The following ELAPOR2 variants were observed in gnomAD, a reference collection of about 807,000 sequenced individuals.
ELAPOR2 encodes endosome/lysosome-associated apoptosis and autophagy regulator family member 2.
Under a neutral mutation model 120.7 loss-of-function variants are expected in ELAPOR2, and 89 were observed. The ratio of observed to expected loss-of-function variants is 0.74; its 90% CI spans 0.62 to 0.88. The LOEUF is 0.88. Ranked by LOEUF, ELAPOR2 falls within the 40% of genes least tolerant of loss-of-function variation. The pLI is 0.00. For missense variants in ELAPOR2, 1,134 were observed against 1,251.6 expected (o/e 0.91, Z 1.42); for synonymous variants, 444 against 444.9 (o/e 1.00, Z 0.03).
intron 1 of ELAPOR2, among the ~76,000 whole-genome samples, chr7:87,036,299 C>T (rs573136855): frequency 6.6e-6 from 1 of 151,770 alleles, no homozygotes; most frequent in Non-Finnish European, 1.5e-5. Context: ...CAGGGTGAAA[C>T]CCTGTCTATA....
intron 1 of ELAPOR2, among the ~76,000 whole-genome samples, chr7:87,054,919 C>T (rs1013580150): frequency 6.6e-6 from 1 of 152,146 alleles, no homozygotes; most frequent in Admixed American, 6.6e-5. Flanking sequence ...TTTCTTTTTC[C>T]CACAACTCCA....
chr7:87,017,640 G>C (rs766073502), intron 1 of ELAPOR2, among the ~76,000 whole-genome samples: 2 of 152,110 alleles, frequency 1.3e-5, no homozygotes, highest in Non-Finnish European at 2.9e-5. Flanking sequence ...ACAAAAATAG[G>C]CTGAGCGTGG....
Position 87,020,250 on chromosome 7 carries a change from CT to C in ELAPOR2, c.189+39074del, listed in dbSNP as rs1793997123. Among the ~76,000 whole-genome samples the C allele has an allele frequency of 3.3e-5, 5 of 152,106 alleles. No individual in the cohort carries two copies. In the South Asian group the frequency reaches 1.0e-3, roughly 32 times the overall value. On this transcript the variant is annotated intron_variant, in intron 1 of 21. Transcript: ENST00000450689. ...ACATAAATTTGAAGTAATTGTAATT[CT>C]GTATTTTCTAAATTTTCTATCTTAA...
At chr7:86,937,652 A>C (rs113308862) in intron 8 of ELAPOR2, among the ~76,000 whole-genome samples, 3,634 of 152,220 alleles carry the variant, frequency 0.024, 138 homozygotes, top group African/African-American at 0.083. Flanking sequence ...CTGACAAAAC[A>C]TACTGAGTAA....
At chr7:86,984,026 A>G (rs1418483473) in intron 1 of ELAPOR2, among the ~76,000 whole-genome samples, 1 of 152,138 alleles carries the variant, frequency 6.6e-6, no homozygotes, top group Non-Finnish European at 1.5e-5. Flanking sequence ...CAACAACAAA[A>G]AGCAGGGGTT....
In ELAPOR2 at chr7:87,059,586, G is replaced by A. The variant is rs1300865730; in HGVS notation, c.-73C>T. The A allele has an allele frequency of 8.8e-7, 1 of 1,130,500 alleles. No individual in the cohort carries two copies. The highest frequency in any genetic ancestry group is 1.1e-6 in the Non-Finnish European group (1 of 924,070). The allele number at this position is 1,130,500 out of a possible 1,614,324, so 70.0% of individuals were successfully genotyped here. On this transcript the variant is annotated 5_prime_UTR_variant, in exon 1 of 22. Transcript: ENST00000450689. ...GGGTGCGGCGGCAGCTCCGGCTCCC[G>A]GGCCGCGACTGCTGTGCGCTCGTCT...
At chr7:86,941,532 C>T (rs1220759569) in intron 5 of ELAPOR2, 1 of 360,710 alleles carries the variant, frequency 2.8e-6, no homozygotes, top group African/African-American at 2.1e-5. Context: ...GGAGACAGCA[C>T]AGTACCCAAC....
rs767170396 is a variant in ELAPOR2 at position 86,891,675 on chromosome 7, C to T, written c.3030+49G>A. On this transcript the variant is annotated intron_variant, in intron 21 of 21. Transcript: ENST00000450689. ...AATGCTATTATTAGGTTAATATGCC[C>T]TCTACTTTATAAACACCCAGTAACA... 9.8e-6 allele frequency: 15 copies of T among 1,522,878 alleles called. No homozygotes were observed. In the East Asian group the frequency reaches 2.8e-4, roughly 28 times the overall value. 94.3% of individuals were successfully genotyped at this position (1,522,878 alleles called of 1,614,324 possible).
intron 1 of ELAPOR2, among the ~76,000 whole-genome samples, chr7:87,005,306 T>C (rs1434689818): frequency 6.6e-6 from 1 of 151,558 alleles, no homozygotes; most frequent in East Asian, 1.9e-4. Flanking sequence ...CACTATTTTA[T>C]GACATTAAAG....
intron 1 of ELAPOR2, among the ~76,000 whole-genome samples, chr7:87,045,614 G>A (rs1320635977): frequency 2.0e-5 from 3 of 150,766 alleles, no homozygotes; most frequent in Non-Finnish European, 4.4e-5. Flanking sequence ...GTTGTGGGGT[G>A]GGGGGAGGAG....
intron 8 of ELAPOR2, among the ~76,000 whole-genome samples, chr7:86,936,097 G>A (rs1790550246): frequency 6.6e-6 from 1 of 151,938 alleles, no homozygotes; most frequent in Non-Finnish European, 1.5e-5. Context: ...TAAGATCAAA[G>A]AGAACATAAC....
Position 86,913,217 on chromosome 7 carries a change from G to A in ELAPOR2, c.1732-13C>T, listed in dbSNP as rs1448184812. 6.2e-7 allele frequency: 1 copy of A among 1,610,424 alleles called. No homozygotes were observed. Among genetic ancestry groups the A allele is most frequent in the South Asian group, 1.1e-5 (1 of 91,002 alleles). On this transcript the variant is annotated splice_polypyrimidine_tract_variant and intron_variant, in intron 13 of 21. Transcript: ENST00000450689. ...TGAACCGTCTATTCTAAAAAAAAGA[G>A]CATAAAGTAATGACTTCTGCCTTGG...
intron 2 of ELAPOR2, among the ~76,000 whole-genome samples, chr7:86,959,531 A>G (rs900288141): frequency 7.2e-5 from 11 of 152,342 alleles, no homozygotes; most frequent in Admixed American, 5.2e-4. Flanking sequence ...TGTATCATAA[A>G]AGAGTATTGA....
chr7:86,932,998 A>G (rs1790397902), intron 8 of ELAPOR2, among the ~76,000 whole-genome samples: 1 of 151,764 alleles, frequency 6.6e-6, no homozygotes, highest in East Asian at 1.9e-4. Flanking sequence ...GTCTTTATGA[A>G]GTTAATCATT....
intron 21 of ELAPOR2, among the ~76,000 whole-genome samples, chr7:86,882,042 C>T (rs966833983): frequency 6.6e-6 from 1 of 152,136 alleles, no homozygotes; most frequent in Non-Finnish European, 1.5e-5. Flanking sequence ...ACAAACATAT[C>T]AGTTTTTCCC....
intron 1 of ELAPOR2, among the ~76,000 whole-genome samples, chr7:87,028,125 C>A (rs893197407): frequency 6.6e-6 from 1 of 152,162 alleles, no homozygotes; most frequent in African/African-American, 2.4e-5. Context: ...CCTTCAGTTA[C>A]TACCACTTTT....
At chr7:86,959,306 T>G (rs1791606106) in intron 2 of ELAPOR2, among the ~76,000 whole-genome samples, 1 of 152,214 alleles carries the variant, frequency 6.6e-6, no homozygotes, top group Admixed American at 6.5e-5. Context: ...TTCGTATGCC[T>G]TTTATTTCTT....
At chr7:86,903,752 G>A (rs1788831080) in intron 18 of ELAPOR2, among the ~76,000 whole-genome samples, 1 of 152,108 alleles carries the variant, frequency 6.6e-6, no homozygotes, top group Non-Finnish European at 1.5e-5. Flanking sequence ...TTTTGAAGGA[G>A]GTTTTGGCAA....
At chr7:86,934,186 C>T (rs187816229) in intron 8 of ELAPOR2, among the ~76,000 whole-genome samples, 67 of 152,062 alleles carry the variant, frequency 4.4e-4, no homozygotes, top group African/African-American at 1.5e-3. Flanking sequence ...CCACCGGGAA[C>T]AATGTCATAT....
Sources: gnomAD v4.1 joint callset for allele counts (sites outside exome capture counted in the v4.1 genomes callset) on GRCh38, gnomAD v4.1.1 for gene constraint, MANE v1.5 for transcripts, NCBI Gene and HGNC (gene_info 2026-07-23, HGNC 2026-07-21) for gene names.